GPC5: variants seen among roughly 807,000 people sequenced by gnomAD.
GPC5 encodes the protein glypican 5.
In GPC5, 47 loss-of-function variants were observed where a neutral mutation model predicts 53.9. That is an observed-to-expected ratio of 0.87 (90% CI 0.69 to 1.11). The LOEUF is 1.11. Ranked by LOEUF, GPC5 falls within the 50% of genes most tolerant of loss-of-function variation. The probability of loss-of-function intolerance (pLI) is 0.00; values close to 1 mark genes in which losing one functional copy is unlikely to be tolerated. For synonymous variants in GPC5, 286 were observed against 263.3 expected, an observed-to-expected ratio of 1.09 and a Z score of -0.84; for missense variants, 748 against 713.1, an observed-to-expected ratio of 1.05 and a Z score of -0.56.
intron 2 of GPC5, among the ~76,000 whole-genome samples, chr13:91,651,603 A>C (rs944879016): frequency 2.0e-5 from 3 of 151,924 alleles, no homozygotes; most frequent in African/African-American, 7.3e-5. Flanking sequence ...CTGTAATCCC[A>C]GCTATTTGGG....
In GPC5 at chr13:92,139,560, G is replaced by C. The variant is rs181220342; in HGVS notation, c.1402-5270G>C. Among the ~76,000 whole-genome samples the C allele has an allele frequency of 1.6e-3, 248 of 151,964 alleles. 1 individual carries two copies. The highest frequency in any genetic ancestry group is 5.9e-3 in the African/African-American group (243 of 41,430). On this transcript the variant is annotated intron_variant, in intron 6 of 7. Transcript: ENST00000377067. ...CATGCGCCTGCAGTCCCAGCTACTT[G>C]GGAGGCTTAGGCAGGACAATTGCTT...
At chr13:92,340,164 AG>A (rs1305101690) in intron 7 of GPC5, among the ~76,000 whole-genome samples, 2 of 152,182 alleles carry the variant, frequency 1.3e-5, no homozygotes, top group Non-Finnish European at 2.9e-5. Context: ...ATCAGGAAAT[AG>A]TTACATATTA....
At chr13:91,569,010 C>A (rs2031663454) in intron 2 of GPC5, among the ~76,000 whole-genome samples, 2 of 152,132 alleles carry the variant, frequency 1.3e-5, no homozygotes, top group African/African-American at 4.8e-5. Context: ...CTCAGCCTCT[C>A]AAAGTGTCGG....
intron 6 of GPC5, among the ~76,000 whole-genome samples, chr13:92,088,980 C>T (rs2041356689): frequency 6.6e-6 from 1 of 152,136 alleles, no homozygotes; most frequent in Admixed American, 6.5e-5. Flanking sequence ...GCCACCATTA[C>T]ATTACTTAGG....
intron 7 of GPC5, among the ~76,000 whole-genome samples, chr13:92,756,938 A>G (rs1390162227): frequency 7.9e-5 from 12 of 152,050 alleles, no homozygotes; most frequent in African/African-American, 2.7e-4. Context: ...TGCCATCCCC[A>G]TCAAGCTACC....
intron 7 of GPC5, among the ~76,000 whole-genome samples, chr13:92,781,811 T>C (rs1315092089): frequency 1.3e-5 from 2 of 152,186 alleles, no homozygotes; most frequent in Admixed American, 6.5e-5. Context: ...CTGTGACTGA[T>C]AGGCAGAGAT....
intron 7 of GPC5, among the ~76,000 whole-genome samples, chr13:92,417,869 C>T (rs1184322219): frequency 2.0e-5 from 3 of 151,974 alleles, no homozygotes; most frequent in Non-Finnish European, 4.4e-5. Context: ...CTAGCTTGGG[C>T]GACAGAGTGA....
intron 7 of GPC5, among the ~76,000 whole-genome samples, chr13:92,382,777 G>A (rs57465381): frequency 0.014 from 2,185 of 152,126 alleles, 55 homozygotes; most frequent in African/African-American, 0.05. Flanking sequence ...TTGGGAGGCC[G>A]AGGCAGGCGG....
intron 6 of GPC5, among the ~76,000 whole-genome samples, chr13:92,098,464 T>C (rs955767053): frequency 3.9e-5 from 6 of 152,170 alleles, no homozygotes; most frequent in African/African-American, 1.4e-4. Flanking sequence ...GTACTTTGAG[T>C]TGATGCTGCA....
At chr13:92,445,936 T>C (rs1008265239) in intron 7 of GPC5, among the ~76,000 whole-genome samples, 6 of 152,152 alleles carry the variant, frequency 3.9e-5, no homozygotes, top group South Asian at 2.1e-4. Context: ...GGCAGTATCA[T>C]TGGTCTTTTT....
At chr13:92,773,517 T>C (rs1875686166) in intron 7 of GPC5, among the ~76,000 whole-genome samples, 3 of 152,318 alleles carry the variant, frequency 2.0e-5, no homozygotes, top group African/African-American at 7.2e-5. Context: ...AATGATTATC[T>C]ATATCTTTGT....
intron 6 of GPC5, among the ~76,000 whole-genome samples, chr13:92,106,913 C>A (rs368223976): frequency 2.2e-4 from 33 of 152,124 alleles, no homozygotes; most frequent in African/African-American, 7.0e-4. Context: ...GACTCACCAT[C>A]ACGGGTTCTC....
chr13:92,387,919 G>A (rs16947544), intron 7 of GPC5, among the ~76,000 whole-genome samples: 7,333 of 152,114 alleles, frequency 0.048, 584 homozygotes, highest in African/African-American at 0.17. Flanking sequence ...TTGATGTAAG[G>A]CATTATTACT....
chr13:92,547,898 C>T (rs1453586028), intron 7 of GPC5, among the ~76,000 whole-genome samples: 1 of 141,086 alleles, frequency 7.1e-6, no homozygotes, highest in Admixed American at 7.4e-5. Context: ...GGCGCGATCT[C>T]GGCTCACTGC....
Position 92,302,041 on chromosome 13 carries a change from T to G in GPC5, c.1561+157052T>G, listed in dbSNP as rs1194556766. Among the ~76,000 whole-genome samples the G allele has an allele frequency of 3.3e-5, 5 of 152,320 alleles. No individual in the cohort carries two copies. In the South Asian group the frequency reaches 1.0e-3, roughly 32 times the overall value. ...CTTAAATGTATTCATTTATTTTAAC[T>G]TATTCTTAAGCCAGTTGAATATATA... On this transcript the variant is annotated intron_variant, in intron 7 of 7. Transcript: ENST00000377067.
intron 2 of GPC5, among the ~76,000 whole-genome samples, chr13:91,547,222 A>C (rs777050548): frequency 1.3e-5 from 2 of 152,096 alleles, no homozygotes; most frequent in Non-Finnish European, 2.9e-5. Context: ...ATTTAGCAAT[A>C]TTGGTCTGGA....
Position 91,998,973 on chromosome 13 carries a change from C to G in GPC5, c.1401+90916C>G, listed in dbSNP as rs568110062. On this transcript the variant is annotated intron_variant, in intron 6 of 7. Transcript: ENST00000377067. ...ACAGAACTTCCCTGAGTCTTTCTTA[C>G]TAGAACTAGCAGAACTTCAATAAAA... 5.6e-4 allele frequency among the ~76,000 whole-genome samples: 85 copies of G among 152,268 alleles called. 1 individual carries two copies. The highest frequency in any genetic ancestry group is 4.6e-4 in the Non-Finnish European group (31 of 68,018).
chr13:91,707,682 C>T (rs2036136991), intron 3 of GPC5, among the ~76,000 whole-genome samples: 1 of 152,126 alleles, frequency 6.6e-6, no homozygotes, highest in Admixed American at 6.6e-5. Context: ...GTGGAAAAAA[C>T]TGAGCATGCA....
At chr13:91,875,672 G>T (rs2039194417) in intron 5 of GPC5, among the ~76,000 whole-genome samples, 1 of 151,552 alleles carries the variant, frequency 6.6e-6, no homozygotes, top group African/African-American at 2.4e-5. Flanking sequence ...TTCTCTTCTT[G>T]AATCATATTA....
Sources: gnomAD v4.1 joint callset for allele counts (sites outside exome capture counted in the v4.1 genomes callset) on GRCh38, gnomAD v4.1.1 for gene constraint, MANE v1.5 for transcripts, NCBI Gene and HGNC (gene_info 2026-07-23, HGNC 2026-07-21) for gene names.